CAMSAP2: variants seen among roughly 807,000 people sequenced by gnomAD.
The protein encoded by CAMSAP2 is calmodulin-regulated spectrin-associated protein 2.
In CAMSAP2, 26 loss-of-function variants were observed where a neutral mutation model predicts 146.1. That is an observed-to-expected ratio of 0.18 (90% CI 0.13 to 0.25). CAMSAP2 has a LOEUF of 0.25. CAMSAP2 is among the 10% of genes least tolerant of loss of function. CAMSAP2 has a pLI of 1.00. For missense variants in CAMSAP2, 1,381 were observed against 1,759.3 expected (o/e 0.78, Z 3.85); for synonymous variants, 499 against 596.6 (o/e 0.84, Z 2.38).
intron 4 of CAMSAP2, among the ~76,000 whole-genome samples, chr1:200,817,100 A>T (rs1184696389): frequency 1.4e-5 from 2 of 145,016 alleles, no homozygotes; most frequent in Admixed American, 1.3e-4. Context: ...GTATATATGT[A>T]TACACACACG....
chr1:200,754,040 C>T (rs1664581024), intron 1 of CAMSAP2, among the ~76,000 whole-genome samples: 1 of 152,242 alleles, frequency 6.6e-6, no homozygotes. Flanking sequence ...CTCCTTCATA[C>T]ACAGTGATGC....
intron 1 of CAMSAP2, among the ~76,000 whole-genome samples, chr1:200,740,316 G>T (rs1664125974): frequency 6.6e-6 from 1 of 151,806 alleles, no homozygotes; most frequent in Non-Finnish European, 1.5e-5. Flanking sequence ...TCATAATTGT[G>T]ATTACACCAC....
chr1:200,756,242 C>A (rs1051510604), intron 1 of CAMSAP2, among the ~76,000 whole-genome samples: 6 of 152,266 alleles, frequency 3.9e-5, no homozygotes, highest in Non-Finnish European at 7.4e-5. Flanking sequence ...CATCTGAGGT[C>A]AGGAGTCCAA....
rs188750271 is a variant in CAMSAP2 at position 200,762,921 on chromosome 1, T to A, written c.399+1823T>A. Among the ~76,000 whole-genome samples, 676 of 152,040 alleles carry A rather than the reference T, an allele frequency of 4.4e-3. 6 individuals carry two copies. Among genetic ancestry groups the A allele is most frequent in the African/African-American group, 0.015 (641 of 41,498 alleles). On this transcript the variant is annotated intron_variant, in intron 2 of 16. Coordinates refer to ENST00000358823, the MANE Select transcript of CAMSAP2 (RefSeq NM_203459.4). ...CTTAGAATCTTTTTTTTTTTCTTAG[T>A]TGGAGTCTCACTCTGTTGCCCAGGC...
At chr1:200,817,579 C>T (rs1440966764) in intron 4 of CAMSAP2, among the ~76,000 whole-genome samples, 3 of 152,048 alleles carry the variant, frequency 2.0e-5, no homozygotes, top group South Asian at 2.1e-4. Flanking sequence ...TTTAAAGTTT[C>T]TTCATTATTA....
chr1:200,846,995 A>C (rs970230277), intron 8 of CAMSAP2, among the ~76,000 whole-genome samples: 2 of 152,176 alleles, frequency 1.3e-5, no homozygotes, highest in African/African-American at 4.8e-5. Context: ...GATGTATATG[A>C]AAGTACTTCA....
intron 2 of CAMSAP2, among the ~76,000 whole-genome samples, chr1:200,805,350 TCTTTC>T (rs1259496369): frequency 6.6e-6 from 1 of 152,240 alleles, no homozygotes; most frequent in Non-Finnish European, 1.5e-5. Context: ...CTAGCTTCTT[TCTTTC>T]CTTTCCTTTC....
At chr1:200,825,632 A>T (rs1376812446) in intron 4 of CAMSAP2, among the ~76,000 whole-genome samples, 2 of 150,890 alleles carry the variant, frequency 1.3e-5, no homozygotes, top group African/African-American at 4.9e-5. Context: ...TCAGCCTCCC[A>T]AGTAACTGGT....
At position 200,857,661 on chromosome 1, in the gene CAMSAP2, C is replaced by A; in HGVS notation, c.4132-93C>A. On this transcript the variant is annotated intron_variant, in intron 16 of 16. Coordinates refer to ENST00000358823, the MANE Select transcript of CAMSAP2 (RefSeq NM_203459.4). This position sits in a 1 kb window ranked among gnomAD's most constrained non-coding sequence, Gnocchi z 4.7. ...ATTGAAATAATGTTATAAAATGTGACTAAGAAACGTAACATAATTATATAA... is the reference window on the plus strand; with the variant it reads ...ATTGAAATAATGTTATAAAATGTGAATAAGAAACGTAACATAATTATATAA... 2 of 1,130,496 alleles carry A rather than the reference C, an allele frequency of 1.8e-6. No homozygotes were observed. Among genetic ancestry groups the A allele is most frequent in the Non-Finnish European group, 2.5e-6 (2 of 802,220 alleles). 70.0% of individuals were successfully genotyped at this position (1,130,496 alleles called of 1,614,324 possible).
chr1:200,754,120 T>C (rs945274934), intron 1 of CAMSAP2, among the ~76,000 whole-genome samples: 11 of 152,216 alleles, frequency 7.2e-5, no homozygotes, highest in African/African-American at 2.7e-4. Flanking sequence ...ATTATGTTGA[T>C]TTTTTTCCTT....
chr1:200,824,754 G>T (rs1666861861), intron 4 of CAMSAP2, among the ~76,000 whole-genome samples: 1 of 152,122 alleles, frequency 6.6e-6, no homozygotes, highest in African/African-American at 2.4e-5. Context: ...CGAGGCGGGT[G>T]GATCACTTGA....
Position 200,739,987 on chromosome 1 carries a change from C to T in CAMSAP2, c.139+21C>T. 6.2e-7 allele frequency: 1 copy of T among 1,612,566 alleles called. No homozygotes were observed. The highest frequency in any genetic ancestry group is 8.5e-7 in the Non-Finnish European group (1 of 1,179,000). ...GACAGGTTAGTGGTGTCACCCTTTC[C>T]CTCCCCTCTTCCTCCTGATGTGGTC... On this transcript the variant is annotated intron_variant, in intron 1 of 16. Transcript: ENST00000358823. The surrounding 1 kb of genome is among the most constrained non-coding windows in gnomAD (Gnocchi z 4.8).
intron 2 of CAMSAP2, 144 bp from the exon 3 acceptor site, chr1:200,807,232 G>A (rs1230008836): frequency 5.7e-6 from 3 of 528,632 alleles, no homozygotes; most frequent in South Asian, 5.7e-5. Flanking sequence ...TCTTTAGCAT[G>A]TACAATTTAT....
At chr1:200,810,171 T>C (rs1180023759) in intron 3 of CAMSAP2, among the ~76,000 whole-genome samples, 1 of 151,862 alleles carries the variant, frequency 6.6e-6, no homozygotes, top group Non-Finnish European at 1.5e-5. Flanking sequence ...AGCAGGAGAG[T>C]CTGCATTTCT....
chr1:200,739,250 C>T lies in CAMSAP2; in HGVS notation c.-578C>T, dbSNP rs1664074119. 6.6e-6 allele frequency among the ~76,000 whole-genome samples: 1 copy of T among 152,086 alleles called. No homozygotes were observed. The highest frequency in any genetic ancestry group is 1.5e-5 in the Non-Finnish European group (1 of 67,998). On this transcript the variant is annotated 5_prime_UTR_variant, in exon 1 of 17. Coordinates refer to ENST00000358823, the MANE Select transcript of CAMSAP2 (RefSeq NM_203459.4). The surrounding 1 kb of genome is among the most constrained non-coding windows in gnomAD (Gnocchi z 4.8). The stretch of plus-strand genomic sequence containing the variant: ...TCTCCGGCGGGCAGGGGCCGGGCTG[C>T]GCTGGGTGGGCCAGCTCGCCCCGCG...
chr1:200,855,540 C>G (rs1159781032), intron 14 of CAMSAP2, among the ~76,000 whole-genome samples: 1 of 152,026 alleles, frequency 6.6e-6, no homozygotes, highest in Non-Finnish European at 1.5e-5. Context: ...TTACTATGTT[C>G]TAGGAACTTG....
At chr1:200,799,911 T>C (rs984981252) in intron 2 of CAMSAP2, among the ~76,000 whole-genome samples, 1 of 152,200 alleles carries the variant, frequency 6.6e-6, no homozygotes, top group Non-Finnish European at 1.5e-5. Flanking sequence ...ATTTCTGCCT[T>C]AATTTTGTTA....
At chr1:200,747,073 A>G (rs893773005) in intron 1 of CAMSAP2, among the ~76,000 whole-genome samples, 2 of 151,966 alleles carry the variant, frequency 1.3e-5, no homozygotes, top group Non-Finnish European at 2.9e-5. Flanking sequence ...TTTTTTGAAA[A>G]TGTTTTGTAG....
intron 2 of CAMSAP2, among the ~76,000 whole-genome samples, chr1:200,797,753 A>G (rs1349904946): frequency 4.0e-4 from 42 of 105,374 alleles, no homozygotes; most frequent in Admixed American, 5.4e-4. Context: ...GCCCATGCCT[A>G]TGTCCTGAAT....
Sources: allele counts gnomAD v4.1 joint callset (sites outside exome capture counted in the v4.1 genomes callset), GRCh38; gene constraint gnomAD v4.1.1; non-coding constraint Gnocchi (gnomAD v3.1); transcripts MANE v1.5; gene names NCBI Gene and HGNC (gene_info 2026-07-23, HGNC 2026-07-21).